MAP3K15: variants seen among roughly 807,000 people sequenced by gnomAD.
The protein encoded by MAP3K15 is MAPK/ERK kinase kinase 15.
MAP3K15 carries 124 observed loss-of-function variants against 99.5 expected under a neutral mutation model. The observed-to-expected ratio is 1.25, with a 90% CI of 1.08 to 1.45. The LOEUF is 1.45. MAP3K15 is among the 40% of genes most tolerant of loss of function. The pLI, the probability that MAP3K15 is intolerant of heterozygous loss-of-function variation, is 0.00. For synonymous variants in MAP3K15, 494 were observed against 439.6 expected (o/e 1.12, Z -1.55); for missense variants, 1,242 against 1,079.7 (o/e 1.15, Z -2.11).
chrX:19,498,898 T>C (rs982453025), intron 1 of MAP3K15, among the ~76,000 whole-genome samples: 1 of 112,333 alleles, frequency 8.9e-6, no homozygotes, highest in Admixed American at 9.5e-5. Context: ...TTAGGCAAGA[T>C]AGAGCAGGCA....
intron 13 of MAP3K15, among the ~76,000 whole-genome samples, chrX:19,401,846 T>C (rs750757396): frequency 1.8e-3 from 201 of 112,348 alleles, no homozygotes; most frequent in African/African-American, 6.2e-3. Context: ...TACTGTACAT[T>C]TCAGGATAAT....
At chrX:19,444,379 T>C (rs1445573741) in intron 6 of MAP3K15, among the ~76,000 whole-genome samples, 2 of 110,539 alleles carry the variant, frequency 1.8e-5, no homozygotes, top group Non-Finnish European at 3.8e-5. Flanking sequence ...CACAGGAGAG[T>C]TTTCTCTCTA....
chrX:19,406,837 G>T (rs1336258106), intron 13 of MAP3K15, among the ~76,000 whole-genome samples: 1 of 112,247 alleles, frequency 8.9e-6, no homozygotes, highest in Non-Finnish European at 1.9e-5. Context: ...AAGTAGCTGG[G>T]ATTACAGGCA....
chrX:19,410,863 T>C (rs2063681544), intron 11 of MAP3K15, among the ~76,000 whole-genome samples: 1 of 111,453 alleles, frequency 9.0e-6, no homozygotes, highest in Admixed American at 9.6e-5. Flanking sequence ...TACATCACAA[T>C]TGCAGAAAAT....
chrX:19,497,612 A>C (rs1023375487), intron 1 of MAP3K15: 2 of 111,694 alleles, frequency 1.8e-5, no homozygotes, highest in Non-Finnish European at 3.8e-5. Context: ...CCAATGAAGC[A>C]CTTTTACAAT....
intron 3 of MAP3K15, among the ~76,000 whole-genome samples, chrX:19,467,186 G>A (rs1221708994): frequency 2.7e-5 from 3 of 110,890 alleles, no homozygotes; most frequent in Non-Finnish European, 5.7e-5. Flanking sequence ...TCTAAATCTT[G>A]TTAGTAAGAT....
At chrX:19,448,531 A>C (rs2064017522) in intron 6 of MAP3K15, among the ~76,000 whole-genome samples, 1 of 108,379 alleles carries the variant, frequency 9.2e-6, no homozygotes, top group Admixed American at 9.8e-5. Context: ...TGGGGGAAAA[A>C]ATACCTTAAA....
At chrX:19,367,466 TAA>T (rs755577901) in intron 25 of MAP3K15, among the ~76,000 whole-genome samples, 4 of 100,104 alleles carry the variant, frequency 4.0e-5, no homozygotes, top group Middle Eastern at 4.5e-3. Flanking sequence ...CTCTTGAACT[TAA>T]AAAAAAAAAA....
intron 6 of MAP3K15, among the ~76,000 whole-genome samples, chrX:19,439,555 C>A (rs190392960): frequency 1.8e-5 from 2 of 111,631 alleles, no homozygotes; most frequent in South Asian, 3.8e-4. Context: ...CAGCCTTCAA[C>A]TCCCAGCCTC....
Position 19,371,340 on chromosome X carries a change from C to G in MAP3K15, c.3294+5G>C, listed in dbSNP as rs1222746734. ...GTGTTCCCTAGGGCCAGATGGAGCA[C>G]TTACGGCATCCTGAAATCCGAACAG... On this transcript the variant is annotated splice_donor_5th_base_variant and intron_variant, in intron 23 of 28. Transcript: ENST00000338883. The G allele has an allele frequency of 8.3e-7, 1 of 1,201,013 alleles. No individual in the cohort carries two copies. The highest frequency in any genetic ancestry group is 1.1e-6 in the Non-Finnish European group (1 of 889,245).
chrX:19,483,166 A>G (rs5955794), intron 3 of MAP3K15, among the ~76,000 whole-genome samples: 28,959 of 106,478 alleles, frequency 0.27, 7,536 homozygotes, highest in African/African-American at 0.8. Context: ...GCTGAGGCAG[A>G]AGAATCACTC....
chrX:19,514,279 C>T (rs1369875856), intron 1 of MAP3K15, among the ~76,000 whole-genome samples: 1 of 107,058 alleles, frequency 9.3e-6, no homozygotes, highest in African/African-American at 3.4e-5. Context: ...ATGTAGCCTG[C>T]GTTGGGACCC....
chrX:19,464,268 T>C lies in MAP3K15; in HGVS notation c.664A>G (p.Met222Val). 8.3e-7 allele frequency: 1 copy of C among 1,200,299 alleles called. No homozygotes were observed. Among genetic ancestry groups the C allele is most frequent in the Non-Finnish European group, 1.1e-6 (1 of 895,278 alleles). Reference sequence around the variant, plus strand: ...CTAATGAACCTGTCCACCAAAGGCATGCACAGCGGGCCCAGGATGTTGTCC... The same window carrying C: ...CTAATGAACCTGTCCACCAAAGGCACGCACAGCGGGCCCAGGATGTTGTCC... ...NWDNILGPLC[M>V]PLVDRFISLL... is the part of the protein sequence containing the mutation. The change falls in exon 4 of 29, where the codon ATG becomes GTG. Residue 222 changes from methionine (M) to valine (V), a missense_variant. By Grantham distance (21) the Met-to-Val change is conservative. Coordinates refer to ENST00000338883, the MANE Select transcript of MAP3K15 (RefSeq NM_001001671.4).
chrX:19,396,690 A>C (rs2063569590), intron 15 of MAP3K15, among the ~76,000 whole-genome samples: 1 of 111,462 alleles, frequency 9.0e-6, no homozygotes, highest in Non-Finnish European at 1.9e-5. Flanking sequence ...AAATCCCTTA[A>C]AACTCATCCC....
intron 25 of MAP3K15, among the ~76,000 whole-genome samples, chrX:19,364,893 CAAAAAAAAAA>C (rs781622051): frequency 2.6e-5 from 1 of 38,494 alleles, no homozygotes; most frequent in Non-Finnish European, 5.0e-5. Context: ...AACTCTGTCT[CAAAAAAAAAA>C]AAAAAAAAAA....
intron 12 of MAP3K15, 90 bp downstream of exon 12, chrX:19,409,834 A>G (rs2063673859): frequency 1.4e-6 from 1 of 733,064 alleles, no homozygotes; most frequent in Non-Finnish European, 2.1e-6. Flanking sequence ...AGAACATTCC[A>G]TATTATGAGT....
chrX:19,442,310 T>C (rs1454493137), intron 6 of MAP3K15, among the ~76,000 whole-genome samples: 3 of 111,810 alleles, frequency 2.7e-5, no homozygotes, highest in Non-Finnish European at 5.6e-5. Flanking sequence ...AATTATGTTT[T>C]TATATTTTTC....
chrX:19,485,553 A>T (rs1388959154), intron 3 of MAP3K15, among the ~76,000 whole-genome samples: 1 of 110,500 alleles, frequency 9.0e-6, no homozygotes, highest in Admixed American at 9.7e-5. Flanking sequence ...CTTATGTCTC[A>T]GGTGGGGAGC....
chrX:19,409,610 C>T (rs2063672232), intron 12 of MAP3K15, among the ~76,000 whole-genome samples: 1 of 111,979 alleles, frequency 8.9e-6, no homozygotes, highest in African/African-American at 3.2e-5. Flanking sequence ...TCACTGAGCA[C>T]TTGAACATCT....
Sources: allele counts gnomAD v4.1 joint callset (sites outside exome capture counted in the v4.1 genomes callset), GRCh38; gene constraint gnomAD v4.1.1; transcripts MANE v1.5; gene names NCBI Gene and HGNC (gene_info 2026-07-23, HGNC 2026-07-21).